The following GPHN variants were observed in gnomAD, a reference collection of about 807,000 sequenced individuals.
GPHN encodes the protein gephyrin.
GPHN carries 17 observed loss-of-function variants against 95.5 expected under a neutral mutation model. That is an observed-to-expected ratio of 0.18 (90% CI 0.12 to 0.27). The LOEUF is 0.27. Among genes scored for constraint, GPHN ranks in the 10% least tolerant of loss-of-function variants. GPHN has a pLI of 1.00. For synonymous variants in GPHN, 320 were observed against 322.5 expected (o/e 0.99, Z 0.08); for missense variants, 660 against 978.1 (o/e 0.67, Z 4.34).
chr14:66,594,855 G>A (rs868628330), intron 1 of GPHN, among the ~76,000 whole-genome samples: 26 of 152,128 alleles, frequency 1.7e-4, no homozygotes, highest in African/African-American at 6.3e-4. Flanking sequence ...GCACAGCAAA[G>A]GAAACAGAAT....
At chr14:66,595,434 C>T (rs1277996623) in intron 1 of GPHN, among the ~76,000 whole-genome samples, 1 of 152,156 alleles carries the variant, frequency 6.6e-6, no homozygotes, top group East Asian at 1.9e-4. Context: ...CTTGGGCCTG[C>T]TTGGCTTGTT....
chr14:66,961,900 G>GTGTATATATATATATA (rs1177915817), intron 8 of GPHN, among the ~76,000 whole-genome samples: 7 of 53,006 alleles, frequency 1.3e-4, no homozygotes, highest in South Asian at 6.8e-4. Flanking sequence ...CCCTGAATGT[G>GTGTATATATATATATA]TATATATATA....
chr14:66,546,379 C>G (rs2059596488), intron 1 of GPHN, among the ~76,000 whole-genome samples: 1 of 152,000 alleles, frequency 6.6e-6, no homozygotes, highest in Non-Finnish European at 1.5e-5. Flanking sequence ...GGCGGCCGGG[C>G]AGAGGCTGCA....
At chr14:67,472,357 A>G in the GPHN span, 1 of 152,292 alleles carries the variant, frequency 6.6e-6, no homozygotes, top group Non-Finnish European at 1.5e-5. Flanking sequence ...TAAACCAGGC[A>G]GGGAATAGAT....
At chr14:67,268,211 C>T in the GPHN span, among the ~76,000 whole-genome samples, 192 of 152,310 alleles carry the variant, frequency 1.3e-3, no homozygotes, top group Non-Finnish European at 2.3e-3. Flanking sequence ...TTCACATTCT[C>T]TCCAGTGCTT....
chr14:67,069,142 T>G (rs979477825), intron 11 of GPHN, among the ~76,000 whole-genome samples: 4 of 152,218 alleles, frequency 2.6e-5, no homozygotes, highest in Non-Finnish European at 5.9e-5. Flanking sequence ...ATCTCCCTCC[T>G]ATGCAAAATG....
At chr14:66,947,513 C>G (rs2067835718) in intron 8 of GPHN, among the ~76,000 whole-genome samples, 3 of 152,158 alleles carry the variant, frequency 2.0e-5, no homozygotes, top group African/African-American at 4.8e-5. Flanking sequence ...CACAGGTTGG[C>G]ACATAGTATG....
At chr14:67,083,236 C>A (rs1038264327) in intron 11 of GPHN, among the ~76,000 whole-genome samples, 3 of 152,058 alleles carry the variant, frequency 2.0e-5, no homozygotes, top group South Asian at 4.2e-4. Flanking sequence ...TATGCCCCCC[C>A]CCCTCCAAAT....
At chr14:66,890,552 A>T (rs920347596) in intron 5 of GPHN, among the ~76,000 whole-genome samples, 1 of 152,214 alleles carries the variant, frequency 6.6e-6, no homozygotes, top group Non-Finnish European at 1.5e-5. Context: ...AAAATTGAAG[A>T]GAAGACAACA....
intron 1 of GPHN, among the ~76,000 whole-genome samples, chr14:66,651,274 G>A (rs1284380104): frequency 6.6e-6 from 1 of 152,206 alleles, no homozygotes; most frequent in Admixed American, 6.5e-5. Flanking sequence ...AACTCGATCT[G>A]TCGCTTCAGG....
At chr14:67,735,236 A>G in the GPHN span, 1 of 1,414,748 alleles carries the variant, frequency 7.1e-7, no homozygotes, top group East Asian at 2.3e-5. Context: ...AGGTGCTCCC[A>G]CGAGACACAG....
the GPHN span, among the ~76,000 whole-genome samples, chr14:67,704,015 T>A: frequency 6.6e-6 from 1 of 152,246 alleles, no homozygotes; most frequent in Non-Finnish European, 1.5e-5. Context: ...ATTTTTAAAA[T>A]ATTAATCTCT....
At chr14:66,715,216 C>G (rs2070055528) in intron 2 of GPHN, among the ~76,000 whole-genome samples, 1 of 152,004 alleles carries the variant, frequency 6.6e-6, no homozygotes, top group African/African-American at 2.4e-5. Context: ...AGGGTTGTAT[C>G]TTTCCAGGGA....
chr14:67,658,364 A>G, the GPHN span, among the ~76,000 whole-genome samples: 3 of 151,910 alleles, frequency 2.0e-5, no homozygotes, highest in Non-Finnish European at 1.5e-5. Context: ...GGAGGCCGAG[A>G]CGGGTGGATC....
At chr14:66,843,291 T>C (rs149648204) in intron 4 of GPHN, among the ~76,000 whole-genome samples, 72 of 152,302 alleles carry the variant, frequency 4.7e-4, no homozygotes, top group Non-Finnish European at 5.7e-4. Context: ...TCTGCTCCCC[T>C]ACAATTCCCC....
the GPHN span, chr14:67,729,435 A>C: frequency 7.1e-6 from 11 of 1,540,490 alleles, no homozygotes; most frequent in Non-Finnish European, 9.7e-6. Context: ...GAGGTGCCGG[A>C]CTCGCTGGGC....
At chr14:67,716,742 G>A in the GPHN span, among the ~76,000 whole-genome samples, 1 of 152,130 alleles carries the variant, frequency 6.6e-6, no homozygotes, top group Non-Finnish European at 1.5e-5. Context: ...AAATTAGCCA[G>A]ATGTGGTGGC....
chr14:66,734,192 C>T (rs1446013931), intron 2 of GPHN, among the ~76,000 whole-genome samples: 1 of 152,118 alleles, frequency 6.6e-6, no homozygotes, highest in African/African-American at 2.4e-5. Context: ...CTTCTTAAAA[C>T]CTTGGTGGCT....
intron 3 of GPHN, among the ~76,000 whole-genome samples, chr14:66,798,562 G>C (rs1378020576): frequency 6.6e-6 from 1 of 151,584 alleles, no homozygotes; most frequent in Non-Finnish European, 1.5e-5. Flanking sequence ...CTAGGAATTT[G>C]TCCATTTCTA....
Sources: allele counts gnomAD v4.1 joint callset (sites outside exome capture counted in the v4.1 genomes callset), GRCh38; gene constraint gnomAD v4.1.1; transcripts MANE v1.5; gene names NCBI Gene and HGNC (gene_info 2026-07-23, HGNC 2026-07-21).